NRCAM: variants seen among roughly 807,000 people sequenced by gnomAD.
The protein encoded by NRCAM is NgCAM-related cell adhesion molecule.
NRCAM carries 83 observed loss-of-function variants against 156.5 expected under a neutral mutation model. That is an observed-to-expected ratio of 0.53 (90% confidence interval 0.44 to 0.64). The LOEUF is 0.64. Among genes scored for constraint, NRCAM ranks in the 30% least tolerant of loss-of-function variants. The pLI, the probability that NRCAM is intolerant of heterozygous loss-of-function variation, is 0.00. For synonymous variants in NRCAM, 538 were observed against 563.9 expected (o/e 0.95, Z 0.65); for missense variants, 1,417 against 1,597.3 (o/e 0.89, Z 1.92).
chr7:108,245,089 T>C (rs542117570), intron 3 of NRCAM, among the ~76,000 whole-genome samples: 24 of 152,086 alleles, frequency 1.6e-4, no homozygotes, highest in Admixed American at 2.6e-4. Flanking sequence ...AAGGTAACTT[T>C]TATTACATTT....
chr7:108,169,870 G>A (rs2057380338), intron 28 of NRCAM, among the ~76,000 whole-genome samples: 1 of 152,200 alleles, frequency 6.6e-6, no homozygotes, highest in African/African-American at 2.4e-5. Flanking sequence ...TATGGAAGAT[G>A]TTCAAGGCAG....
chr7:108,195,153 A>C (rs879526460), intron 15 of NRCAM, among the ~76,000 whole-genome samples: 3 of 152,164 alleles, frequency 2.0e-5, no homozygotes, highest in Non-Finnish European at 2.9e-5. Flanking sequence ...TACTCACAAA[A>C]TCCCAGGGGA....
chr7:108,220,344 AC>A (rs1414015579), intron 11 of NRCAM, among the ~76,000 whole-genome samples: 12 of 152,280 alleles, frequency 7.9e-5, no homozygotes, highest in East Asian at 5.8e-4. Context: ...TTAGAAAAAA[AC>A]ATTCTAAAAT....
intron 1 of NRCAM, among the ~76,000 whole-genome samples, chr7:108,427,206 T>C (rs4730313): frequency 0.9 from 136,750 of 152,120 alleles, 61,942 homozygotes; most frequent in East Asian, 1. Flanking sequence ...AGGGATTACT[T>C]CCTTCCCCAA....
chr7:108,239,698 CCCCAG>C (rs2095404221), intron 4 of NRCAM, among the ~76,000 whole-genome samples: 1 of 152,124 alleles, frequency 6.6e-6, no homozygotes, highest in African/African-American at 2.4e-5. Flanking sequence ...CTCAGGCCAT[CCCCAG>C]CAGGGCAGAC....
chr7:108,441,925 T>C (rs1325565028), intron 1 of NRCAM, among the ~76,000 whole-genome samples: 2 of 152,238 alleles, frequency 1.3e-5, no homozygotes, highest in Non-Finnish European at 2.9e-5. Flanking sequence ...GCTTCTCATA[T>C]AAAGGGTTTT....
chr7:108,413,898 G>T lies in NRCAM; in HGVS notation c.-331-14305C>A, dbSNP rs148251400. On this transcript the variant is annotated intron_variant, in intron 1 of 32. Coordinates refer to ENST00000379028, the MANE Select transcript of NRCAM (RefSeq NM_001037132.4). ...ACCATCTTCTCTCCCAACACCATCA[G>T]CTGTCTCAGCCTCTCTGTAGCTGAT... Among the ~76,000 whole-genome samples, 1,011 of 152,232 alleles carry T rather than the reference G, an allele frequency of 6.6e-3. 5 individuals are homozygous for T. Among genetic ancestry groups the T allele is most frequent in the Middle Eastern group, 0.017 (5 of 294 alleles).
intron 20 of NRCAM, among the ~76,000 whole-genome samples, chr7:108,185,715 CAA>C (rs1212781254): frequency 2.9e-5 from 3 of 103,532 alleles, no homozygotes; most frequent in Non-Finnish European, 5.8e-5. Context: ...AACCCTGTCT[CAA>C]AAAAGAGAGA....
At chr7:108,429,002 C>A (rs925622286) in intron 1 of NRCAM, among the ~76,000 whole-genome samples, 1 of 151,574 alleles carries the variant, frequency 6.6e-6, no homozygotes, top group African/African-American at 2.4e-5. Flanking sequence ...TTTCTCCAGA[C>A]CATAAAGAGG....
At chr7:108,237,500 G>C (rs934435831) in intron 5 of NRCAM, among the ~76,000 whole-genome samples, 4 of 152,156 alleles carry the variant, frequency 2.6e-5, no homozygotes, top group African/African-American at 9.7e-5. Flanking sequence ...TGTGAATAAA[G>C]CTTGGAAGTT....
chr7:108,414,082 G>A (rs1476726987), intron 1 of NRCAM, among the ~76,000 whole-genome samples: 1 of 152,236 alleles, frequency 6.6e-6, no homozygotes, highest in Non-Finnish European at 1.5e-5. Context: ...GGCTTTCCCA[G>A]AGGCTGATCA....
At chr7:108,227,162 A>G (rs1170592698) in intron 8 of NRCAM, among the ~76,000 whole-genome samples, 2 of 152,224 alleles carry the variant, frequency 1.3e-5, no homozygotes, top group African/African-American at 2.4e-5. Flanking sequence ...CCACTGGAAC[A>G]GTGCCTGGCC....
chr7:108,388,702 G>T (rs371020350), intron 2 of NRCAM, among the ~76,000 whole-genome samples: 10 of 152,114 alleles, frequency 6.6e-5, no homozygotes, highest in Non-Finnish European at 1.0e-4. Context: ...GGTCTAACAT[G>T]TAAGTCTTTA....
At chr7:108,165,925 C>A (rs2053812813) in intron 30 of NRCAM, among the ~76,000 whole-genome samples, 1 of 152,174 alleles carries the variant, frequency 6.6e-6, no homozygotes, top group Non-Finnish European at 1.5e-5. Context: ...TGAACATGTA[C>A]CACAAACAAC....
At chr7:108,330,891 G>A (rs1390206047) in intron 2 of NRCAM, among the ~76,000 whole-genome samples, 7 of 152,094 alleles carry the variant, frequency 4.6e-5, no homozygotes, top group East Asian at 1.9e-4. Context: ...AAATGTACAC[G>A]CAGCTTTCTG....
rs747883444 is a variant in NRCAM, at chr7:108,240,084, A to G, written c.-20T>C. The G allele has an allele frequency of 6.0e-6, 9 of 1,508,792 alleles. No individual in the cohort carries two copies. In the African/African-American group the frequency reaches 1.2e-4, roughly 21 times the overall value. The allele number at this position is 1,508,792 out of a possible 1,614,324, so 93.5% of individuals were successfully genotyped here. On this transcript the variant is annotated 5_prime_UTR_variant, in exon 4 of 33. Coordinates refer to ENST00000379028, the MANE Select transcript of NRCAM (RefSeq NM_001037132.4). ...CTGCATTAGCTTAACTCCTGCTGAG[A>G]CTCACACACTGAATTTCCTTTTCTT... is the stretch of plus-strand genomic sequence containing the variant.
chr7:108,168,483 T>G (rs2056341914), intron 28 of NRCAM, 81 bp from the exon 29 acceptor site: 1 of 1,210,766 alleles, frequency 8.3e-7, no homozygotes, highest in Admixed American at 3.2e-5. Flanking sequence ...TTAAATACTC[T>G]GAAATTGTGC....
intron 11 of NRCAM, among the ~76,000 whole-genome samples, chr7:108,216,218 T>A (rs764786864): frequency 5.3e-5 from 8 of 152,212 alleles, no homozygotes; most frequent in Non-Finnish European, 8.8e-5. Context: ...ATTCTTTTCT[T>A]TAAGAATGTT....
intron 2 of NRCAM, among the ~76,000 whole-genome samples, chr7:108,368,274 G>A (rs1302077659): frequency 3.4e-5 from 4 of 117,750 alleles, no homozygotes; most frequent in African/African-American, 1.3e-4. Context: ...CATAATCTAA[G>A]CCCTGAAACA....
Sources: allele counts gnomAD v4.1 joint callset (sites outside exome capture counted in the v4.1 genomes callset), GRCh38; gene constraint gnomAD v4.1.1; transcripts MANE v1.5; gene names NCBI Gene and HGNC (gene_info 2026-07-23, HGNC 2026-07-21).